Variants in NLRC5 observed in about 807,000 individuals in gnomAD.
NLRC5 encodes protein NLRC5.
In NLRC5, 114 loss-of-function variants were observed where a neutral mutation model predicts 206.9. That is an observed-to-expected ratio of 0.55 (90% CI 0.47 to 0.64). The LOEUF is 0.64. NLRC5 is among the 30% of genes least tolerant of loss of function. NLRC5 has a pLI of 0.00. For synonymous variants in NLRC5, 952 were observed against 962.8 expected (o/e 0.99, Z 0.21); for missense variants, 2,008 against 2,305.5 (o/e 0.87, Z 2.64).
At position 57,041,413 on chromosome 16, in the gene NLRC5, G is replaced by C. The variant is rs1567586125; in HGVS notation, c.2940-72G>C. ...CCTCATTCTCTGCCTCTGTGTCTGG[G>C]GGGTGGGAAAGCGGCTCCTTCCCGC... On this transcript the variant is annotated intron_variant, in intron 17 of 48. Coordinates refer to ENST00000688547, the MANE Select transcript of NLRC5 (RefSeq NM_001384950.1). 2.0e-5 allele frequency: 25 copies of C among 1,268,680 alleles called. No homozygotes were observed. The South Asian group carries it at 2.9e-4, about 15-fold the overall frequency. The allele number at this position is 1,268,680 out of a possible 1,614,324, so 78.6% of individuals were successfully genotyped here. A position where few individuals can be genotyped will look rare whatever the true frequency, so the allele number is the denominator to read the frequency against.
At chr16:57,074,523 C>A in intron 38 of NLRC5, 77 bp from the exon 39 acceptor site, 3 of 1,279,564 alleles carry the variant, frequency 2.3e-6, no homozygotes, top group South Asian at 1.2e-5. Flanking sequence ...GCTTGCTAAG[C>A]ACAGAGGCCT....
In NLRC5 at chr16:57,033,680, G is replaced by C; in HGVS notation, c.2543+11G>C. 1 of 1,612,922 alleles carries C rather than the reference G, an allele frequency of 6.2e-7. No individual in the cohort carries two copies. The highest frequency in any genetic ancestry group is 1.1e-5 in the South Asian group (1 of 91,036). ...AAGCTTGACGCTCAGGTACCTTGGA[G>C]GGATCTATTGCCTTAGGAGAGGGAT... is the stretch of plus-strand genomic sequence containing the variant. On this transcript the variant is annotated intron_variant, in intron 12 of 48. Coordinates refer to ENST00000688547, the MANE Select transcript of NLRC5 (RefSeq NM_001384950.1).
At position 57,067,394 on chromosome 16, in the gene NLRC5, C is replaced by T. The variant is rs2067187396; in HGVS notation, c.4330C>T (p.His1444Tyr). The change falls in exon 35 of 49, where the codon CAC (histidine) becomes TAC (tyrosine). Residue 1444 changes from histidine (H) to tyrosine (Y), a missense_variant. By Grantham distance (83) the His-to-Tyr change is moderately conservative (BLOSUM62 2). Coordinates refer to ENST00000688547, the MANE Select transcript of NLRC5 (RefSeq NM_001384950.1). ...CTCCCTGTCTGTGTCCAGGTTGGCTCACTGTGACCTTGGAGCCCACCACAG... is the reference window on the plus strand; with the variant it reads ...CTCCCTGTCTGTGTCCAGGTTGGCTTACTGTGACCTTGGAGCCCACCACAG... The part of the protein sequence containing the change: ...NPEAVALRLA[H>Y]CDLGAHHSLL... 6.2e-7 allele frequency: 1 copy of T among 1,614,070 alleles called. No homozygotes were observed. Among genetic ancestry groups the T allele is most frequent in the South Asian group, 1.1e-5 (1 of 91,094 alleles).
intron 1 of NLRC5, among the ~76,000 whole-genome samples, chr16:56,994,981 C>A (rs1344095892): frequency 6.6e-6 from 1 of 152,104 alleles, no homozygotes; most frequent in South Asian, 2.1e-4. Flanking sequence ...TTGAGACCAG[C>A]CTGGCCAACA....
intron 45 of NLRC5, 89 bp downstream of exon 45, chr16:57,079,381 T>G: frequency 6.7e-7 from 1 of 1,486,368 alleles, no homozygotes; most frequent in South Asian, 1.1e-5. Flanking sequence ...GGGAGGCCTT[T>G]GAAGTGATAG....
intron 1 of NLRC5, among the ~76,000 whole-genome samples, chr16:56,997,446 C>T (rs1453433244): frequency 2.0e-5 from 3 of 152,036 alleles, no homozygotes; most frequent in African/African-American, 7.3e-5. Flanking sequence ...AAAATCACCA[C>T]CCAGATGAGG....
chr16:57,047,877 C>T (rs1396371361), intron 23 of NLRC5: 2 of 547,260 alleles, frequency 3.7e-6, no homozygotes, highest in Non-Finnish European at 6.6e-6. Flanking sequence ...GCACCATCCA[C>T]TCAACTCAGG....
intron 3 of NLRC5, among the ~76,000 whole-genome samples, chr16:57,021,309 G>A (rs1429790854): frequency 6.6e-6 from 1 of 151,942 alleles, no homozygotes; most frequent in Admixed American, 6.6e-5. Flanking sequence ...CTTTTTTGGC[G>A]GGGGTGGGGG....
chr16:56,989,747 G>C, intron 1 of NLRC5, 130 bp downstream of exon 1: 1 of 152,338 alleles, frequency 6.6e-6, no homozygotes, highest in South Asian at 2.1e-4. Context: ...GGAGGTGCGG[G>C]TGGCCGGGTG....
chr16:57,060,114 G>A (rs2144630356), intron 30 of NLRC5, among the ~76,000 whole-genome samples: 1 of 151,026 alleles, frequency 6.6e-6, no homozygotes, highest in Non-Finnish European at 1.5e-5. Context: ...TCCTTTACAT[G>A]TCTTACTTCA....
In NLRC5 at chr16:57,047,503, G is replaced by A. The variant is rs139832325; in HGVS notation, c.3339-42G>A. The A allele has an allele frequency of 1.1e-4, 169 of 1,559,750 alleles. 2 individuals are homozygous for A. The African/African-American group carries it at 1.8e-3, about 17-fold the overall frequency. ...CCCCTGGGGCTAGCCAGGGACCCTG[G>A]GCTTTCTCTGATTCCCTGCCCTGCC... On this transcript the variant is annotated intron_variant, in intron 22 of 48. Coordinates refer to ENST00000688547, the MANE Select transcript of NLRC5 (RefSeq NM_001384950.1).
chr16:57,033,770 TG>T, intron 12 of NLRC5, 101 bp downstream of exon 12: 1 of 1,141,768 alleles, frequency 8.8e-7, no homozygotes. Context: ...GAAAAGCAGA[TG>T]AGGGACAGGG....
Position 57,025,532 on chromosome 16 carries a change from G to C in NLRC5, c.589G>C (p.Gly197Arg), listed in dbSNP as rs774012709. 6.2e-7 allele frequency: 1 copy of C among 1,613,664 alleles called. No individual in the cohort carries two copies. The highest frequency in any genetic ancestry group is 1.1e-5 in the South Asian group (1 of 91,036). The change falls in exon 6 of 49, where the codon GGG becomes CGG. Residue 197 changes from glycine to arginine, a missense_variant. Physicochemically the swap from Gly to Arg is moderately radical, Grantham distance 125. Transcript: ENST00000688547. ...SLDTPEGAIM[G>R]DVKVEDGADV... is the part of the protein sequence containing the mutation. The stretch of plus-strand genomic sequence containing the variant: ...AGACACTCCGGAGGGGGCCATTATG[G>C]GGGACGTCAAGGTGGAAGATGGTGC...
At chr16:57,049,634 G>T (rs762524045) in intron 23 of NLRC5, among the ~76,000 whole-genome samples, 2 of 151,992 alleles carry the variant, frequency 1.3e-5, no homozygotes, top group Non-Finnish European at 2.9e-5. Flanking sequence ...TACTCTGGAG[G>T]CAGGCAGGAG....
chr16:57,018,043 A>G (rs1349319640), intron 2 of NLRC5, among the ~76,000 whole-genome samples: 3 of 152,254 alleles, frequency 2.0e-5, no homozygotes, highest in Non-Finnish European at 4.4e-5. Context: ...AACACTAATG[A>G]TGGAAACAAA....
intron 5 of NLRC5, 127 bp from the exon 6 acceptor site, chr16:57,025,241 C>A: frequency 6.9e-7 from 1 of 1,446,102 alleles, no homozygotes. Flanking sequence ...CTTGACACCC[C>A]CACCCTCACC....
chr16:57,045,358 C>G, intron 20 of NLRC5, 90 bp from the exon 21 acceptor site: 1 of 1,315,270 alleles, frequency 7.6e-7, no homozygotes, highest in Non-Finnish European at 1.1e-6. Context: ...ACCCCAGGCC[C>G]TCCTTGCCCT....
rs769251442 is a variant in NLRC5, at chr16:57,067,469, AG to A, written c.4406+1del. ...METCARLQQL[S>X]LSQVNLCEDD... is the part of the protein sequence containing the mutation. ...GACATGTGCCAGGCTGCAGCAGCTC[AG>A]GTCAGCGCCTGGAAACTCTGTGTGG... On this transcript the variant is annotated frameshift_variant and splice_region_variant, in exon 35 of 49. Coordinates refer to ENST00000688547, the MANE Select transcript of NLRC5 (RefSeq NM_001384950.1). LOFTEE classifies it high-confidence loss of function. 5.0e-6 allele frequency: 8 copies of A among 1,614,146 alleles called. No individual in the cohort carries two copies. The highest frequency in any genetic ancestry group is 6.8e-6 in the Non-Finnish European group (8 of 1,179,980).
intron 5 of NLRC5, 39 bp from the exon 6 acceptor site, chr16:57,025,329 G>C (rs56132500): frequency 0.067 from 101,497 of 1,507,180 alleles, 4,544 homozygotes; most frequent in African/African-American, 0.22. Flanking sequence ...CAGAGGGCCG[G>C]GGGGTCCTCT....
Sources: gnomAD v4.1 joint callset for allele counts (sites outside exome capture counted in the v4.1 genomes callset) on GRCh38, gnomAD v4.1.1 for gene constraint, MANE v1.5 for transcripts, NCBI Gene and HGNC (gene_info 2026-07-23, HGNC 2026-07-21) for gene names.